Variants in AHCTF1 observed in about 807,000 individuals in gnomAD.
The protein encoded by AHCTF1 is AT-hook containing transcription factor 1, also known as protein ELYS.
A neutral mutation model predicts 248.4 loss-of-function variants in AHCTF1; 24 were observed. The observed-to-expected ratio is 0.10, with a 90% CI of 0.07 to 0.14. The LOEUF is 0.14. Ranked by LOEUF, AHCTF1 falls within the 10% of genes least tolerant of loss-of-function variation. AHCTF1 has a pLI of 1.00. For synonymous variants in AHCTF1, 786 were observed against 929.8 expected, an observed-to-expected ratio of 0.85 and a Z score of 2.81; for missense variants, 2,206 against 2,636.2, an observed-to-expected ratio of 0.84 and a Z score of 3.57.
At chr1:246,853,379 G>C in intron 31 of AHCTF1, 80 bp from the exon 32 acceptor site, 1 of 1,161,712 alleles carries the variant, frequency 8.6e-7, no homozygotes, top group Admixed American at 2.4e-5. Flanking sequence ...GAAAGGAAAA[G>C]GCTACACTGC....
In AHCTF1 at chr1:246,840,792, A is replaced by C; in HGVS notation, c.*14T>G. 6.3e-7 allele frequency: 1 copy of C among 1,590,976 alleles called. No individual in the cohort carries two copies. ...ACTTTACAAATAGGTGTACATTAAA[A>C]TCTTCCCAAGAAATTACAGCATTTT... On this transcript the variant is annotated 3_prime_UTR_variant, in exon 36 of 36. Coordinates refer to ENST00000648844, the MANE Select transcript of AHCTF1 (RefSeq NM_001323342.2).
intron 35 of AHCTF1, 51 bp downstream of exon 35, chr1:246,842,643 C>T (rs777223927): frequency 8.6e-5 from 128 of 1,488,672 alleles, no homozygotes; most frequent in Non-Finnish European, 1.1e-4. Flanking sequence ...GGGGACAGAG[C>T]GAGACTGTCT....
rs1661465357 is a variant in AHCTF1, at chr1:246,860,583, CTCT to C, written c.4132+313_4132+315del. The stretch of plus-strand genomic sequence containing the variant: ...GCTTTCCTTCTGAGATAGGGTCTTG[CTCT>C]GTCACGCAGGCTAAAGTACAGTGGT... On this transcript the variant is annotated intron_variant, in intron 29 of 35. Transcript: ENST00000648844. 2.0e-5 allele frequency among the ~76,000 whole-genome samples: 3 copies of C among 152,162 alleles called. No homozygotes were observed. In the South Asian group the frequency reaches 6.2e-4, roughly 32 times the overall value.
At chr1:246,848,886 TA>T in intron 33 of AHCTF1, among the ~76,000 whole-genome samples, 1 of 152,276 alleles carries the variant, frequency 6.6e-6, no homozygotes, top group African/African-American at 2.4e-5. Flanking sequence ...TTTGTTTACC[TA>T]ACCATTAACA....
Position 246,849,799 on chromosome 1 carries a change from T to C in AHCTF1, c.6207A>G (p.Thr2069=). ...TTGTTTCTTTATGTGTCATTTCATCTGTGCGTTCTTCTGATACTGAGTGCA... is the reference window on the plus strand; with the variant it reads ...TTGTTTCTTTATGTGTCATTTCATCCGTGCGTTCTTCTGATACTGAGTGCA... The part of the protein sequence containing the change: ...RSLHSVSEER[T]DEMTHKETNE... The change falls in exon 33 of 36, where the codon ACA becomes ACG. Residue 2069 remains threonine, a synonymous_variant. Transcript: ENST00000648844. 1.2e-6 allele frequency: 2 copies of C among 1,614,040 alleles called. No homozygotes were observed. Among genetic ancestry groups the C allele is most frequent in the Non-Finnish European group, 1.7e-6 (2 of 1,179,880 alleles).
intron 33 of AHCTF1, among the ~76,000 whole-genome samples, chr1:246,847,125 A>T (rs1042172835): frequency 2.0e-5 from 3 of 152,002 alleles, no homozygotes; most frequent in African/African-American, 7.2e-5. Flanking sequence ...TGTCTCTACT[A>T]AAAATACAAA....
intron 1 of AHCTF1, among the ~76,000 whole-genome samples, chr1:246,929,549 C>G (rs1301800946): frequency 6.6e-6 from 1 of 151,206 alleles, no homozygotes; most frequent in Non-Finnish European, 1.5e-5. Flanking sequence ...GGAAACATCT[C>G]TTCCACAGAA....
intron 4 of AHCTF1, among the ~76,000 whole-genome samples, chr1:246,908,569 G>GC (rs1665558288): frequency 6.6e-6 from 1 of 151,942 alleles, no homozygotes; most frequent in African/African-American, 2.4e-5. Context: ...TCATTTTGCA[G>GC]CCCTTAATGA....
intron 1 of AHCTF1, among the ~76,000 whole-genome samples, chr1:246,920,970 T>C (rs1370702410): frequency 6.6e-6 from 1 of 151,426 alleles, no homozygotes; most frequent in Non-Finnish European, 1.5e-5. Flanking sequence ...CGCATGCCTG[T>C]AATCTCAGCT....
chr1:246,864,384 C>T, intron 26 of AHCTF1: 1 of 308,036 alleles, frequency 3.2e-6, no homozygotes, highest in Non-Finnish European at 5.9e-6. Context: ...TTACTGAGCT[C>T]TTACTATGTG....
Position 246,880,488 on chromosome 1 carries a change from C to T in AHCTF1, c.2661-3186G>A, listed in dbSNP as rs1296089174. 4.7e-5 allele frequency among the ~76,000 whole-genome samples: 7 copies of T among 148,118 alleles called. No homozygotes were observed. The South Asian group carries it at 8.7e-4, about 18-fold the overall frequency. ...CTGAGGCAGGAGAATCACTTGAACCCGGGAGGTGGAGGTTACAGTGAGCCG... is the reference window on the plus strand; with the variant it reads ...CTGAGGCAGGAGAATCACTTGAACCTGGGAGGTGGAGGTTACAGTGAGCCG... On this transcript the variant is annotated intron_variant, in intron 21 of 35. Coordinates refer to ENST00000648844, the MANE Select transcript of AHCTF1 (RefSeq NM_001323342.2).
chr1:246,886,974 C>A (rs1456289525), intron 20 of AHCTF1, among the ~76,000 whole-genome samples: 1 of 152,138 alleles, frequency 6.6e-6, no homozygotes, highest in East Asian at 1.9e-4. Context: ...TCTGAACTAT[C>A]GTAATTACTT....
intron 1 of AHCTF1, among the ~76,000 whole-genome samples, chr1:246,923,357 G>A (rs1432747817): frequency 6.6e-6 from 1 of 152,050 alleles, no homozygotes; most frequent in East Asian, 1.9e-4. Flanking sequence ...AAGGGTTGCA[G>A]TGGGCCAAAA....
intron 21 of AHCTF1, among the ~76,000 whole-genome samples, chr1:246,884,061 T>C (rs1238600943): frequency 2.6e-5 from 4 of 152,098 alleles, no homozygotes; most frequent in African/African-American, 9.7e-5. Flanking sequence ...GAGAGGTACA[T>C]GCAAATGAAA....
chr1:246,870,393 A>G (rs542459511), intron 24 of AHCTF1, among the ~76,000 whole-genome samples: 21 of 152,298 alleles, frequency 1.4e-4, no homozygotes, highest in South Asian at 4.1e-4. Flanking sequence ...ACTGTACTAG[A>G]GCATCTGTGA....
Position 246,917,702 on chromosome 1 carries a change from C to T in AHCTF1, c.121+548G>A, listed in dbSNP as rs115712743. Among the ~76,000 whole-genome samples the T allele has an allele frequency of 1.6e-3, 251 of 152,222 alleles. 1 individual carries two copies. The highest frequency in any genetic ancestry group is 5.5e-3 in the African/African-American group (227 of 41,538). ...TCTCTGCCTGCTGGGAAGATGGCTA[C>T]GAAGCTTATATTCAGAAAAGTCTTC... is the stretch of plus-strand genomic sequence containing the variant. On this transcript the variant is annotated intron_variant, in intron 2 of 35. Transcript: ENST00000648844.
intron 1 of AHCTF1, chr1:246,931,051 T>C: frequency 6.6e-7 from 1 of 1,520,516 alleles, no homozygotes; most frequent in Non-Finnish European, 8.8e-7. Flanking sequence ...TTAAATCTCC[T>C]TGATCTGACC....
intron 29 of AHCTF1, among the ~76,000 whole-genome samples, chr1:246,860,283 A>G (rs763914192): frequency 2.0e-5 from 3 of 152,182 alleles, no homozygotes; most frequent in South Asian, 2.1e-4. Context: ...TTAAATAAAT[A>G]AAAATTGCAA....
rs1388076991 is a variant in AHCTF1 at position 246,843,749 on chromosome 1, A to G, written c.6525+46T>C. On this transcript the variant is annotated intron_variant, in intron 34 of 35. Transcript: ENST00000648844. ...TTTATTAAAACATTTGTAAAAAAAAAAAGTATGTTTTAACAAACATACAAA... is the reference window on the plus strand; with the variant it reads ...TTTATTAAAACATTTGTAAAAAAAAGAAGTATGTTTTAACAAACATACAAA... The G allele has an allele frequency of 8.9e-6, 11 of 1,237,140 alleles. No homozygotes were observed. The Admixed American group carries it at 2.8e-4, about 31-fold the overall frequency. The allele number at this position is 1,237,140 out of a possible 1,614,324, so 76.6% of individuals were successfully genotyped here.
Sources: allele counts gnomAD v4.1 joint callset (sites outside exome capture counted in the v4.1 genomes callset), GRCh38; gene constraint gnomAD v4.1.1; transcripts MANE v1.5; gene names NCBI Gene and HGNC (gene_info 2026-07-23, HGNC 2026-07-21).